Variants in UHRF2 observed in about 807,000 individuals in gnomAD.
UHRF2 encodes the protein ubiquitin like with PHD and ring finger domains 2.
Under a neutral mutation model 96.8 loss-of-function variants are expected in UHRF2, and 23 were observed. That is an observed-to-expected ratio of 0.24 (90% CI 0.17 to 0.34). The LOEUF (loss-of-function observed/expected upper bound fraction) is 0.34. UHRF2 is among the 10% of genes least tolerant of loss of function. The pLI, the probability that UHRF2 is intolerant of heterozygous loss-of-function variation, is 1.00. For synonymous variants in UHRF2, 385 were observed against 332.6 expected, an observed-to-expected ratio of 1.16 and a Z score of -1.72; for missense variants, 685 against 981.5, an observed-to-expected ratio of 0.70 and a Z score of 4.04.
chr9:6,458,577 TG>T (rs905768296), intron 3 of UHRF2, among the ~76,000 whole-genome samples: 4 of 152,146 alleles, frequency 2.6e-5, no homozygotes, highest in Non-Finnish European at 5.9e-5. Context: ...GTTCTTTTAA[TG>T]GTGGAGAGGA....
chr9:6,417,166 C>T (rs1819654732), intron 1 of UHRF2, among the ~76,000 whole-genome samples: 1 of 152,134 alleles, frequency 6.6e-6, no homozygotes, highest in Non-Finnish European at 1.5e-5. Context: ...CCCTCTCAGC[C>T]ACTTCCACTT....
chr9:6,469,701 C>T (rs187986508), intron 4 of UHRF2, among the ~76,000 whole-genome samples: 127 of 148,642 alleles, frequency 8.5e-4, no homozygotes, highest in Middle Eastern at 3.5e-3. Flanking sequence ...CACGTATATA[C>T]ATACATATAC....
intron 10 of UHRF2, chr9:6,495,105 A>T (rs1031575925): frequency 6.6e-6 from 1 of 152,218 alleles, no homozygotes; most frequent in Non-Finnish European, 1.5e-5. Context: ...TCAAGTTGTC[A>T]AATCTGAAAA....
intron 5 of UHRF2, among the ~76,000 whole-genome samples, chr9:6,477,296 G>C (rs1036457566): frequency 6.6e-6 from 1 of 151,610 alleles, no homozygotes; most frequent in African/African-American, 2.4e-5. Context: ...AGGTTGAGGC[G>C]GGCAGATCAC....
At chr9:6,434,329 T>A in intron 3 of UHRF2, 156 bp downstream of exon 3, 2 of 835,682 alleles carry the variant, frequency 2.4e-6, no homozygotes, top group Non-Finnish European at 3.5e-6. Flanking sequence ...TACTCTAATT[T>A]AAAGGTCCTT....
intron 2 of UHRF2, chr9:6,422,648 C>A (rs1315566001): frequency 4.6e-6 from 3 of 650,536 alleles, no homozygotes; most frequent in South Asian, 1.7e-5. Flanking sequence ...CTGGCTCTGT[C>A]ACCCAGGCTG....
chr9:6,483,934 C>G (rs1824088277), intron 8 of UHRF2, among the ~76,000 whole-genome samples: 1 of 152,206 alleles, frequency 6.6e-6, no homozygotes, highest in South Asian at 2.1e-4. Flanking sequence ...GGTGATCTGC[C>G]TGTCTCAGCC....
intron 9 of UHRF2, among the ~76,000 whole-genome samples, chr9:6,488,815 T>C (rs1221025666): frequency 6.7e-6 from 1 of 149,802 alleles, no homozygotes; most frequent in African/African-American, 2.5e-5. Flanking sequence ...TTTTTTTGTT[T>C]TGTTTTGTTT....
At chr9:6,499,060 C>G (rs1465714812) in intron 12 of UHRF2, 1 of 152,156 alleles carries the variant, frequency 6.6e-6, no homozygotes, top group Non-Finnish European at 1.5e-5. Context: ...ATAAAAATAA[C>G]TTTGTCAAAT....
chr9:6,417,773 G>C (rs1819692750), intron 1 of UHRF2, among the ~76,000 whole-genome samples: 1 of 152,098 alleles, frequency 6.6e-6, no homozygotes. Flanking sequence ...GCTTAGACAT[G>C]GTGCTCTTAC....
chr9:6,484,860 C>G (rs1249077532), intron 8 of UHRF2, among the ~76,000 whole-genome samples: 1 of 118,630 alleles, frequency 8.4e-6, no homozygotes, highest in Non-Finnish European at 1.6e-5. Flanking sequence ...GTGGCACAAT[C>G]TCGGCTCACC....
chr9:6,473,409 G>A (rs7873756), intron 4 of UHRF2, among the ~76,000 whole-genome samples: 47,617 of 152,038 alleles, frequency 0.31, 9,408 homozygotes, highest in African/African-American at 0.56. Context: ...AACTAGTTTA[G>A]TGAGGTCATT....
At chr9:6,418,172 C>T (rs1190796046) in intron 1 of UHRF2, among the ~76,000 whole-genome samples, 2 of 150,800 alleles carry the variant, frequency 1.3e-5, no homozygotes, top group Non-Finnish European at 2.9e-5. Flanking sequence ...TGGAGAATGT[C>T]AAAATGATGG....
intron 10 of UHRF2, chr9:6,496,129 T>C (rs1048539284): frequency 6.6e-6 from 1 of 152,166 alleles, no homozygotes; most frequent in Admixed American, 6.6e-5. Context: ...TTCTTTTCAA[T>C]AGGTTAGTCA....
intron 2 of UHRF2, among the ~76,000 whole-genome samples, chr9:6,424,094 G>A (rs968377131): frequency 1.1e-4 from 17 of 150,064 alleles, no homozygotes; most frequent in African/African-American, 4.1e-4. Context: ...ACATCTTTCT[G>A]GAAGTACTAG....
At chr9:6,453,868 G>C (rs1359303433) in intron 3 of UHRF2, among the ~76,000 whole-genome samples, 1 of 152,082 alleles carries the variant, frequency 6.6e-6, no homozygotes, top group East Asian at 1.9e-4. Context: ...TCATGCCATT[G>C]TACTCCAACC....
At chr9:6,476,698 G>A (rs1241648817) in intron 5 of UHRF2, among the ~76,000 whole-genome samples, 1 of 151,992 alleles carries the variant, frequency 6.6e-6, no homozygotes, top group African/African-American at 2.4e-5. Flanking sequence ...GGGTTCAGGT[G>A]ATTCTCCTGC....
chr9:6,486,652 C>CTT (rs1824307077), intron 8 of UHRF2, among the ~76,000 whole-genome samples, 169 bp from the exon 9 acceptor site: 1 of 152,108 alleles, frequency 6.6e-6, no homozygotes, highest in South Asian at 2.1e-4. Context: ...GTGAGACTCA[C>CTT]TTCTTGGATC....
intron 8 of UHRF2, 116 bp from the exon 9 acceptor site, chr9:6,486,705 A>G (rs1824310334): frequency 1.1e-6 from 1 of 897,878 alleles, no homozygotes; most frequent in Non-Finnish European, 1.7e-6. Context: ...AAAAGATAGA[A>G]CTCTGTGAGA....
Sources: allele counts gnomAD v4.1 joint callset (sites outside exome capture counted in the v4.1 genomes callset), GRCh38; gene constraint gnomAD v4.1.1; transcripts MANE v1.5; gene names NCBI Gene and HGNC (gene_info 2026-07-23, HGNC 2026-07-21).